Variants in TMEM156 observed in about 807,000 individuals in gnomAD.
The protein encoded by TMEM156 is transmembrane protein 156.
In TMEM156, 28 loss-of-function variants were observed where a neutral mutation model predicts 30.5. The ratio of observed to expected loss-of-function variants is 0.92; its 90% CI spans 0.68 to 1.26. The LOEUF is 1.26. TMEM156 is among the 50% of genes most tolerant of loss of function. TMEM156 has a pLI of 0.00. For missense variants in TMEM156, 351 were observed against 340.6 expected, an observed-to-expected ratio of 1.03 and a Z score of -0.24; for synonymous variants, 137 against 119.9, an observed-to-expected ratio of 1.14 and a Z score of -0.93.
chr4:38,991,872 A>G (rs1251374634), intron 3 of TMEM156, among the ~76,000 whole-genome samples: 1 of 152,140 alleles, frequency 6.6e-6, no homozygotes, highest in Non-Finnish European at 1.5e-5. Context: ...TCCAGAGTCC[A>G]TCTTCCAATT....
intron 1 of TMEM156, among the ~76,000 whole-genome samples, chr4:39,012,420 T>C (rs969423633): frequency 6.6e-6 from 1 of 152,230 alleles, no homozygotes; most frequent in African/African-American, 2.4e-5. Flanking sequence ...TATAAATATT[T>C]ATGTCAAAGT....
intron 5 of TMEM156, among the ~76,000 whole-genome samples, chr4:38,984,504 AT>A (rs545158092): frequency 4.6e-4 from 68 of 147,976 alleles, no homozygotes; most frequent in South Asian, 1.5e-3. Flanking sequence ...TTTGAACTAC[AT>A]TTTTTTTTTC....
chr4:38,986,850 AAG>A (rs1201058365), intron 4 of TMEM156, among the ~76,000 whole-genome samples: 11 of 134,482 alleles, frequency 8.2e-5, no homozygotes, highest in Non-Finnish European at 1.3e-4. Context: ...AAAAAAAAAA[AAG>A]GAAAGCGACA....
intron 2 of TMEM156, among the ~76,000 whole-genome samples, chr4:38,995,688 C>T (rs543439493): frequency 6.6e-6 from 1 of 152,312 alleles, no homozygotes; most frequent in Admixed American, 6.5e-5. Context: ...GCACTCCAGC[C>T]TGGTGAGAGA....
chr4:38,979,150 T>C (rs1362149384), intron 5 of TMEM156, among the ~76,000 whole-genome samples: 1 of 152,258 alleles, frequency 6.6e-6, no homozygotes, highest in Non-Finnish European at 1.5e-5. Flanking sequence ...CATTATACAA[T>C]GGATCCTTCT....
At chr4:38,992,486 T>C (rs1322270382) in intron 3 of TMEM156, among the ~76,000 whole-genome samples, 2 of 151,554 alleles carry the variant, frequency 1.3e-5, no homozygotes, top group Non-Finnish European at 2.9e-5. Flanking sequence ...GTTATGCAAG[T>C]ATGTAAGATT....
At chr4:38,995,182 A>T (rs1335373213) in intron 2 of TMEM156, among the ~76,000 whole-genome samples, 1 of 152,090 alleles carries the variant, frequency 6.6e-6, no homozygotes, top group East Asian at 1.9e-4. Flanking sequence ...TTTTGTAAGA[A>T]TATCAGTCAT....
chr4:39,025,360 A>G lies in TMEM156; in HGVS notation c.88+6866T>C, dbSNP rs1715137642. Among the ~76,000 whole-genome samples the G allele has an allele frequency of 2.0e-5, 3 of 151,704 alleles. No homozygotes were observed. In the South Asian group the frequency reaches 6.2e-4, roughly 32 times the overall value. The stretch of plus-strand genomic sequence containing the variant: ...AAGACTGTCTCAAAAAAAAAAAAAA[A>G]AAAAAAAAGATTGGAATAAACTCAA... On this transcript the variant is annotated intron_variant, in intron 1 of 6. Coordinates refer to ENST00000381938, the MANE Select transcript of TMEM156 (RefSeq NM_024943.3).
chr4:39,032,369 T>C lies in TMEM156; in HGVS notation c.-56A>G, dbSNP rs1577600456. 8.9e-7 allele frequency: 1 copy of C among 1,118,550 alleles called. No homozygotes were observed. Among genetic ancestry groups the C allele is most frequent in the East Asian group, 2.5e-5 (1 of 40,496 alleles). The allele number at this position is 1,118,550 out of a possible 1,614,324, so 69.3% of individuals were successfully genotyped here. A position where few individuals can be genotyped will look rare whatever the true frequency, so the allele number is the denominator to read the frequency against. ...TGCAGTACATTCATGGTATGTTGCT[T>C]CCTGCTTTAAGTTTATCTCTGCAGC... On this transcript the variant is annotated 5_prime_UTR_variant, in exon 1 of 7. Coordinates refer to ENST00000381938, the MANE Select transcript of TMEM156 (RefSeq NM_024943.3).
intron 1 of TMEM156, among the ~76,000 whole-genome samples, chr4:39,001,341 C>T (rs1440522985): frequency 2.7e-5 from 4 of 148,726 alleles, no homozygotes; most frequent in Non-Finnish European, 3.0e-5. Flanking sequence ...GAACCGAGAT[C>T]GTGCCACTGC....
intron 4 of TMEM156, among the ~76,000 whole-genome samples, chr4:38,986,854 A>G (rs1178479594): frequency 7.3e-6 from 1 of 137,414 alleles, no homozygotes; most frequent in African/African-American, 2.6e-5. Flanking sequence ...AAAAAAAAGG[A>G]AAGCGACAGC....
intron 3 of TMEM156, among the ~76,000 whole-genome samples, chr4:38,990,843 T>C (rs866353002): frequency 1.7e-5 from 2 of 114,748 alleles, no homozygotes; most frequent in Non-Finnish European, 4.0e-5. Flanking sequence ...TTTTTTTTTT[T>C]TTTTTTTTTT....
intron 1 of TMEM156, among the ~76,000 whole-genome samples, chr4:39,020,696 C>T (rs1426103563): frequency 1.3e-5 from 2 of 152,078 alleles, no homozygotes; most frequent in Non-Finnish European, 2.9e-5. Context: ...ACAACAGGCA[C>T]ATGCCACCAT....
chr4:39,018,977 C>T (rs565083211), intron 1 of TMEM156, among the ~76,000 whole-genome samples: 4 of 147,400 alleles, frequency 2.7e-5, no homozygotes, highest in South Asian at 4.2e-4. Context: ...GCCAAGATCA[C>T]GCCACTGCAC....
intron 2 of TMEM156, among the ~76,000 whole-genome samples, chr4:38,996,237 C>T (rs991014619): frequency 4.7e-5 from 7 of 148,848 alleles, no homozygotes; most frequent in Admixed American, 1.4e-4. Flanking sequence ...AAACACCTCG[C>T]ACCTGTCAGG....
intron 5 of TMEM156, among the ~76,000 whole-genome samples, chr4:38,976,474 AGATGCAT>A: frequency 6.6e-6 from 1 of 152,134 alleles, no homozygotes; most frequent in African/African-American, 2.4e-5. Context: ...GAGTGAGCGT[AGATGCAT>A]AGCATCCAGA....
chr4:39,003,711 A>T (rs1233037517), intron 1 of TMEM156, among the ~76,000 whole-genome samples: 1 of 152,160 alleles, frequency 6.6e-6, no homozygotes, highest in Admixed American at 6.6e-5. Flanking sequence ...GCACCATCTG[A>T]TGGAACTCCA....
In TMEM156 at chr4:38,976,246, A is replaced by G. The variant is rs1722843908; in HGVS notation, c.824-5109T>C. On this transcript the variant is annotated intron_variant, in intron 5 of 6. Transcript: ENST00000381938. ...GCGGAAGTTGCAGTGAGCCAAGATC[A>G]TGCCACTGTTCTCCAGCCTGGTGAC... Among the ~76,000 whole-genome samples, 4 of 145,914 alleles carry G rather than the reference A, an allele frequency of 2.7e-5. No homozygotes were observed. In the South Asian group the frequency reaches 6.5e-4, roughly 24 times the overall value.
At chr4:39,020,643 C>T (rs745883500) in intron 1 of TMEM156, among the ~76,000 whole-genome samples, 8 of 152,182 alleles carry the variant, frequency 5.3e-5, no homozygotes, top group Admixed American at 1.3e-4. Context: ...CCTCCACCTC[C>T]CGTTCGAGCA....
Sources: gnomAD v4.1 joint callset for allele counts (sites outside exome capture counted in the v4.1 genomes callset) on GRCh38, gnomAD v4.1.1 for gene constraint, MANE v1.5 for transcripts, NCBI Gene and HGNC (gene_info 2026-07-23, HGNC 2026-07-21) for gene names.